ESRRG: variants seen among roughly 807,000 people sequenced by gnomAD.
ESRRG encodes estrogen-related receptor gamma.
In ESRRG, 13 loss-of-function variants were observed where a neutral mutation model predicts 44.0. The observed-to-expected ratio is 0.30, with a 90% CI of 0.19 to 0.47. The LOEUF (loss-of-function observed/expected upper bound fraction) is 0.47, where lower values mean the gene tolerates loss of function less well. Among genes scored for constraint, ESRRG ranks in the 20% least tolerant of loss-of-function variants. ESRRG has a pLI of 1.00. For synonymous variants in ESRRG, 215 were observed against 214.6 expected (o/e 1.00, Z -0.02); for missense variants, 395 against 580.6 (o/e 0.68, Z 3.29).
intron 2 of ESRRG, among the ~76,000 whole-genome samples, chr1:216,904,495 G>T (rs2059466671): frequency 1.3e-5 from 2 of 152,162 alleles, no homozygotes; most frequent in Admixed American, 1.3e-4. Context: ...AACAGAAACA[G>T]CTTCTTTTCT....
intron 6 of ESRRG, among the ~76,000 whole-genome samples, chr1:216,515,234 AAT>A (rs1045386505): frequency 6.6e-6 from 1 of 151,880 alleles, no homozygotes. Context: ...TATATAATAT[AAT>A]ATATATATGC....
chr1:216,543,386 C>A (rs1302373741), intron 5 of ESRRG, among the ~76,000 whole-genome samples: 1 of 151,956 alleles, frequency 6.6e-6, no homozygotes, highest in Admixed American at 6.6e-5. Flanking sequence ...GAAACTTCTT[C>A]CATGCCTCTT....
intron 3 of ESRRG, among the ~76,000 whole-genome samples, chr1:216,573,267 T>A (rs1215858091): frequency 1.3e-5 from 2 of 152,002 alleles, no homozygotes; most frequent in Admixed American, 1.3e-4. Flanking sequence ...GCAAAGAATA[T>A]GTCAAAGCAA....
At chr1:216,635,645 C>T (rs781769436) in intron 3 of ESRRG, among the ~76,000 whole-genome samples, 4 of 152,138 alleles carry the variant, frequency 2.6e-5, no homozygotes, top group Non-Finnish European at 5.9e-5. Context: ...TGTCTCCTCA[C>T]AATCCACTGA....
At chr1:216,757,986 C>A (rs1440870197) in intron 2 of ESRRG, among the ~76,000 whole-genome samples, 1 of 151,828 alleles carries the variant, frequency 6.6e-6, no homozygotes, top group Admixed American at 6.6e-5. Flanking sequence ...AAATAAACAG[C>A]ATTAAAAAAG....
intron 1 of ESRRG, among the ~76,000 whole-genome samples, chr1:217,034,243 T>C (rs1162517001): frequency 6.6e-6 from 1 of 152,190 alleles, no homozygotes; most frequent in Non-Finnish European, 1.5e-5. Context: ...TTTTAAAGCA[T>C]CCAGGGATAA....
At chr1:216,547,263 T>A (rs2054820467) in intron 5 of ESRRG, among the ~76,000 whole-genome samples, 1 of 151,624 alleles carries the variant, frequency 6.6e-6, no homozygotes, top group African/African-American at 2.4e-5. Context: ...TTGATGATGA[T>A]GATGATGATG....
chr1:217,050,540 C>T (rs775492112), intron 1 of ESRRG, among the ~76,000 whole-genome samples: 66 of 152,256 alleles, frequency 4.3e-4, no homozygotes, highest in Non-Finnish European at 3.5e-4. Flanking sequence ...AGAAACTACA[C>T]AGAGAGGCAG....
chr1:216,845,397 T>C (rs897566062), intron 2 of ESRRG, among the ~76,000 whole-genome samples: 13 of 152,156 alleles, frequency 8.5e-5, no homozygotes, highest in African/African-American at 2.4e-4. Flanking sequence ...ATAACATTGA[T>C]AGGGTATAAT....
intron 3 of ESRRG, among the ~76,000 whole-genome samples, chr1:216,573,275 C>A (rs145103136): frequency 2.6e-5 from 4 of 151,976 alleles, no homozygotes; most frequent in African/African-American, 9.6e-5. Context: ...TATGTCAAAG[C>A]AAATAAAGCA....
At chr1:216,586,664 C>T (rs2063866023) in intron 3 of ESRRG, among the ~76,000 whole-genome samples, 1 of 150,810 alleles carries the variant, frequency 6.6e-6, no homozygotes, top group South Asian at 2.1e-4. Flanking sequence ...GCAACCTCTG[C>T]CTCCCAGGTT....
At chr1:216,801,741 T>C (rs897763855) in intron 2 of ESRRG, among the ~76,000 whole-genome samples, 1 of 152,176 alleles carries the variant, frequency 6.6e-6, no homozygotes, top group Non-Finnish European at 1.5e-5. Context: ...CTGTCCTCTT[T>C]GGGAAAATGT....
At chr1:216,929,950 CT>C (rs994848591) in intron 2 of ESRRG, among the ~76,000 whole-genome samples, 2 of 152,142 alleles carry the variant, frequency 1.3e-5, no homozygotes, top group Non-Finnish European at 1.5e-5. Flanking sequence ...AGGAAACCCC[CT>C]AACACCCATA....
rs368510739 is a variant in ESRRG, at chr1:216,934,780, T to A, written c.-14+4802A>T. On this transcript the variant is annotated intron_variant, in intron 2 of 7. Transcript: ENST00000359162. ...TGGATGGGATCACAGCCAAACCATA[T>A]CCATTGTTTTTTAAAAAGTGGTTAT... Among the ~76,000 whole-genome samples, 17 of 152,250 alleles carry A rather than the reference T, an allele frequency of 1.1e-4. No individual in the cohort carries two copies. The East Asian group carries it at 3.1e-3, about 28-fold the overall frequency.
intron 3 of ESRRG, among the ~76,000 whole-genome samples, chr1:216,607,441 A>T (rs1322644687): frequency 6.6e-6 from 1 of 152,332 alleles, no homozygotes; most frequent in Non-Finnish European, 1.5e-5. Context: ...GGCTGGACAG[A>T]GTGGGCGCTT....
chr1:217,102,202 G>A (rs748342717), intron 1 of ESRRG, among the ~76,000 whole-genome samples: 2 of 152,188 alleles, frequency 1.3e-5, no homozygotes, highest in Non-Finnish European at 2.9e-5. Context: ...TGCAATAGGT[G>A]TTGTTACATC....
In ESRRG at chr1:217,094,991, T is replaced by C. The variant is rs113119290; in HGVS notation, c.-230+42676A>G. ...TAGCTCTAGGGATCCATGGATGAAT[T>C]AAGAAACTCTTGAAGTTGTAGGCAA... is the stretch of plus-strand genomic sequence containing the variant. On this transcript the variant is annotated intron_variant, in intron 1 of 8. Coordinates refer to the ESRRG transcript ENST00000366940. Among the ~76,000 whole-genome samples the C allele has an allele frequency of 1.3e-3, 202 of 152,316 alleles. 1 individual carries two copies. The highest frequency in any genetic ancestry group is 4.5e-3 in the African/African-American group (186 of 41,566).
chr1:216,567,940 T>C (rs1558540360), intron 4 of ESRRG, 48 bp downstream of exon 4: 1 of 1,248,152 alleles, frequency 8.0e-7, no homozygotes, highest in Non-Finnish European at 1.2e-6. Flanking sequence ...TAGAGCCAAC[T>C]GGGAGGATTT....
chr1:216,647,063 A>AATGT (rs1418079513), intron 3 of ESRRG, among the ~76,000 whole-genome samples: 13 of 152,280 alleles, frequency 8.5e-5, no homozygotes, highest in African/African-American at 3.1e-4. Context: ...CAGTGAGCAA[A>AATGT]CTGAGCTAGT....
Sources: gnomAD v4.1 joint callset for allele counts (sites outside exome capture counted in the v4.1 genomes callset) on GRCh38, gnomAD v4.1.1 for gene constraint, MANE v1.5 for transcripts, NCBI Gene and HGNC (gene_info 2026-07-23, HGNC 2026-07-21) for gene names.